The following GRIK3 variants were observed in gnomAD, a reference collection of about 807,000 sequenced individuals.
GRIK3 encodes the protein glutamate receptor ionotropic, kainate 3.
In GRIK3, 29 loss-of-function variants were observed where a neutral mutation model predicts 102.5. The observed-to-expected ratio is 0.28, with a 90% CI of 0.21 to 0.39. GRIK3 has a LOEUF of 0.39. Ranked by LOEUF, GRIK3 falls within the 10% of genes least tolerant of loss-of-function variation. The probability of loss-of-function intolerance (pLI) is 1.00; values close to 1 mark genes in which losing one functional copy is unlikely to be tolerated. For missense variants in GRIK3, 908 were observed against 1,252.4 expected (o/e 0.73, Z 4.15); for synonymous variants, 511 against 504.9 (o/e 1.01, Z -0.16).
chr1:36,895,180 C>T (rs1385846980), intron 1 of GRIK3, among the ~76,000 whole-genome samples: 1 of 152,128 alleles, frequency 6.6e-6, no homozygotes, highest in Non-Finnish European at 1.5e-5. Context: ...CACTAAAGGC[C>T]TTATTTTCAG....
intron 1 of GRIK3, among the ~76,000 whole-genome samples, chr1:36,976,802 C>G (rs2124362995): frequency 6.6e-6 from 1 of 152,258 alleles, no homozygotes; most frequent in Non-Finnish European, 1.5e-5. Context: ...AGTTGACCTC[C>G]CTTATGAGCC....
chr1:36,850,201 C>A lies in GRIK3; in HGVS notation c.1326+110G>T, dbSNP rs1640565282. ...TGCTGACTCTAAAAGTCTCCACCTA[C>A]CTGCAGCCTCCATCTTCTGGGTGGG... On this transcript the variant is annotated intron_variant, in intron 9 of 15. Transcript: ENST00000373091. This position sits in a 1 kb window ranked among gnomAD's most constrained non-coding sequence, Gnocchi z 4.0. The A allele has an allele frequency of 4.2e-6, 3 of 708,266 alleles. No individual in the cohort carries two copies. Among genetic ancestry groups the A allele is most frequent in the South Asian group, 3.2e-5 (2 of 62,306 alleles). 43.9% of individuals were successfully genotyped at this position (708,266 alleles called of 1,614,324 possible).
At chr1:37,005,399 G>A (rs1041145857) in intron 1 of GRIK3, among the ~76,000 whole-genome samples, 6 of 152,212 alleles carry the variant, frequency 3.9e-5, no homozygotes, top group African/African-American at 1.2e-4. Flanking sequence ...GCGCTGCTGG[G>A]AGGCCAAGGA....
At position 36,891,787 on chromosome 1, in the gene GRIK3, A is replaced by G. The variant is rs188405924; in HGVS notation, c.116-691T>C. On this transcript the variant is annotated intron_variant, in intron 1 of 15. Coordinates refer to ENST00000373091, the MANE Select transcript of GRIK3 (RefSeq NM_000831.4). ...AACATTTGTAAAGAAAGAAATTCTT[A>G]TTTGCAAATGATATAAAAACCCTTA... Among the ~76,000 whole-genome samples the G allele has an allele frequency of 6.0e-3, 907 of 152,322 alleles. 7 individuals carry two copies. The highest frequency in any genetic ancestry group is 0.017 in the Admixed American group (254 of 15,306).
intron 13 of GRIK3, among the ~76,000 whole-genome samples, chr1:36,814,519 C>A (rs1035103549): frequency 7.4e-6 from 1 of 135,612 alleles, no homozygotes; most frequent in Non-Finnish European, 1.6e-5. Context: ...ACCCCCCCCC[C>A]CCACACACAG....
chr1:36,882,104 C>A (rs149942329), intron 2 of GRIK3, among the ~76,000 whole-genome samples: 218 of 152,238 alleles, frequency 1.4e-3, no homozygotes, highest in African/African-American at 5.1e-3. Flanking sequence ...TTATTTCCTT[C>A]TTTATTAAAT....
intron 1 of GRIK3, among the ~76,000 whole-genome samples, chr1:36,897,180 T>G (rs1243674171): frequency 6.6e-6 from 1 of 152,150 alleles, no homozygotes; most frequent in Non-Finnish European, 1.5e-5. Flanking sequence ...AAAGAAGGCA[T>G]CCAAGTCAGA....
chr1:36,795,593 C>T lies in GRIK3; in HGVS notation c.*6258G>A, dbSNP rs1294221991. ...ATTACTTCATACAGCAAACTGTGCA[C>T]TTTGATATATCACAGTGTCTTAAAA... is the stretch of plus-strand genomic sequence containing the variant. On this transcript the variant is annotated 3_prime_UTR_variant, in exon 16 of 16. Coordinates refer to ENST00000373091, the MANE Select transcript of GRIK3 (RefSeq NM_000831.4). 2 of 152,144 alleles carry T rather than the reference C, an allele frequency of 1.3e-5. No homozygotes were observed. Among genetic ancestry groups the T allele is most frequent in the Non-Finnish European group, 2.9e-5 (2 of 68,016 alleles). The allele number at this position is 152,144 out of a possible 1,614,324, so 9.4% of individuals were successfully genotyped here.
chr1:36,881,953 C>T (rs1370742434), intron 2 of GRIK3, among the ~76,000 whole-genome samples: 2 of 152,144 alleles, frequency 1.3e-5, no homozygotes, highest in African/African-American at 4.8e-5. Context: ...CACGTGCTGT[C>T]CTCTCTGGCT....
At chr1:37,021,124 C>CTG (rs1228077422) in intron 1 of GRIK3, among the ~76,000 whole-genome samples, 1 of 66,944 alleles carries the variant, frequency 1.5e-5, no homozygotes, top group Non-Finnish European at 3.2e-5. Flanking sequence ...GTGTGTGTGT[C>CTG]TGTGAGAGAG....
intron 9 of GRIK3, among the ~76,000 whole-genome samples, chr1:36,842,883 G>T (rs1226458986): frequency 3.3e-5 from 5 of 152,280 alleles, no homozygotes; most frequent in African/African-American, 1.2e-4. Flanking sequence ...ACCCCAGAGT[G>T]CGAGTTCTGT....
At chr1:37,029,304 C>T (rs373681071) in intron 1 of GRIK3, among the ~76,000 whole-genome samples, 285 of 152,346 alleles carry the variant, frequency 1.9e-3, no homozygotes, top group African/African-American at 6.5e-3. Context: ...CTAGCCTCAA[C>T]GAGGGCCCTG....
chr1:36,930,585 G>A (rs1052115389), intron 1 of GRIK3, among the ~76,000 whole-genome samples: 1 of 152,200 alleles, frequency 6.6e-6, no homozygotes, highest in African/African-American at 2.4e-5. Flanking sequence ...ATGAATGTAA[G>A]TCTACTAGCC....
chr1:36,802,538 C>T (rs1422941503), intron 15 of GRIK3, among the ~76,000 whole-genome samples: 1 of 152,214 alleles, frequency 6.6e-6, no homozygotes, highest in Non-Finnish European at 1.5e-5. Context: ...TCAGTGTCTT[C>T]CCACTCAGGG....
At position 36,923,521 on chromosome 1, in the gene GRIK3, G is replaced by A. The variant is rs80289308; in HGVS notation, c.116-32425C>T. Among the ~76,000 whole-genome samples, 98 of 152,260 alleles carry A rather than the reference G, an allele frequency of 6.4e-4. 2 individuals are homozygous for A. In the East Asian group the frequency reaches 7.7e-3, roughly 12 times the overall value. ...AGCAGGCCACAAATGGGGTGGGTGGGTGAGGTGGACACCACTGCATGGGAA... is the reference window on the plus strand; with the variant it reads ...AGCAGGCCACAAATGGGGTGGGTGGATGAGGTGGACACCACTGCATGGGAA... On this transcript the variant is annotated intron_variant, in intron 1 of 15. Coordinates refer to ENST00000373091, the MANE Select transcript of GRIK3 (RefSeq NM_000831.4).
At chr1:36,844,365 A>G (rs61769812) in intron 9 of GRIK3, among the ~76,000 whole-genome samples, 20,722 of 152,258 alleles carry the variant, frequency 0.14, 1,470 homozygotes, top group Non-Finnish European at 0.16. Context: ...GGGGCCTGGG[A>G]AAAGTGCTGA....
rs1232889941 is a variant in GRIK3 at position 36,806,114 on chromosome 1, G to A, written c.2304C>T (p.Gly768=). Reference sequence around the variant, plus strand: ...CAGCCCCTCGCTCACCCATGGGCGTGCCGATGCCGTAGCCCTTGGAGTCAA... The same window carrying A: ...CAGCCCCTCGCTCACCCATGGGCGTACCGATGCCGTAGCCCTTGGAGTCAA... ...GLIDSKGYGI[G]TPMGSPYRDK... The change falls in exon 14 of 16, where the codon GGC becomes GGT. Residue 768 remains glycine (G), a synonymous_variant. Coordinates refer to ENST00000373091, the MANE Select transcript of GRIK3 (RefSeq NM_000831.4). This position sits in a 1 kb window ranked among gnomAD's most constrained non-coding sequence, Gnocchi z 4.0. 3.1e-6 allele frequency: 5 copies of A among 1,613,224 alleles called. No individual in the cohort carries two copies. The highest frequency in any genetic ancestry group is 4.2e-6 in the Non-Finnish European group (5 of 1,179,276).
At chr1:36,974,324 C>T (rs1642173410) in intron 1 of GRIK3, among the ~76,000 whole-genome samples, 1 of 152,156 alleles carries the variant, frequency 6.6e-6, no homozygotes, top group Non-Finnish European at 1.5e-5. Context: ...CCAACTTAAT[C>T]CTTTATTAGT....
chr1:36,811,603 A>G (rs534522605), intron 13 of GRIK3, among the ~76,000 whole-genome samples: 29 of 152,310 alleles, frequency 1.9e-4, no homozygotes, highest in African/African-American at 6.5e-4. Flanking sequence ...AATCATCTCA[A>G]TGGCTCCATA....
Sources: gnomAD v4.1 joint callset for allele counts (sites outside exome capture counted in the v4.1 genomes callset) on GRCh38, gnomAD v4.1.1 for gene constraint, Gnocchi (gnomAD v3.1) non-coding constraint, MANE v1.5 for transcripts, NCBI Gene and HGNC (gene_info 2026-07-23, HGNC 2026-07-21) for gene names.